WWOX: variants seen among roughly 807,000 people sequenced by gnomAD.
WWOX encodes the protein WW domain containing oxidoreductase.
A neutral mutation model predicts 46.2 loss-of-function variants in WWOX; 69 were observed. The ratio of observed to expected loss-of-function variants is 1.49; its 90% CI spans 1.23 to 1.82. The LOEUF (loss-of-function observed/expected upper bound fraction) is 1.82, where lower values mean the gene tolerates loss of function less well. Ranked by LOEUF, WWOX falls within the 40% of genes most tolerant of loss-of-function variation. WWOX has a pLI of 0.00. For synonymous variants in WWOX, 359 were observed against 202.6 expected, an observed-to-expected ratio of 1.77 and a Z score of -6.56; for missense variants, 919 against 542.6, an observed-to-expected ratio of 1.69 and a Z score of -6.89.
chr16:78,832,010 C>T (rs901478188), intron 8 of WWOX, among the ~76,000 whole-genome samples: 32 of 152,198 alleles, frequency 2.1e-4, no homozygotes, highest in South Asian at 2.1e-4. Context: ...GTATCTGCAA[C>T]AGTTATCCAT....
At chr16:78,560,500 C>T (rs376504174) in intron 8 of WWOX, among the ~76,000 whole-genome samples, 14 of 151,988 alleles carry the variant, frequency 9.2e-5, no homozygotes, top group African/African-American at 2.2e-4. Context: ...AAAAATTAGC[C>T]GGGTGTGGCG....
chr16:78,353,233 T>C (rs573493367), intron 5 of WWOX, among the ~76,000 whole-genome samples: 1 of 152,292 alleles, frequency 6.6e-6, no homozygotes, highest in African/African-American at 2.4e-5. Flanking sequence ...ATTGTTTATG[T>C]AGGGGCCCGT....
intron 7 of WWOX, among the ~76,000 whole-genome samples, chr16:78,430,022 A>C (rs1442429246): frequency 6.6e-6 from 1 of 152,190 alleles, no homozygotes; most frequent in Non-Finnish European, 1.5e-5. Flanking sequence ...GCTGCTAAGA[A>C]AGACATACCC....
chr16:79,069,437 T>C (rs1026341811), intron 8 of WWOX, among the ~76,000 whole-genome samples: 2 of 152,166 alleles, frequency 1.3e-5, no homozygotes, highest in African/African-American at 4.8e-5. Flanking sequence ...GACCTTTACA[T>C]CTCTGTCTTG....
intron 6 of WWOX, among the ~76,000 whole-genome samples, chr16:78,403,698 G>A (rs901732547): frequency 6.6e-6 from 1 of 152,176 alleles, no homozygotes; most frequent in Non-Finnish European, 1.5e-5. Flanking sequence ...CTTCGCATGG[G>A]GGCTCCCCAG....
At chr16:79,207,061 C>G (rs1029847067) in intron 8 of WWOX, among the ~76,000 whole-genome samples, 3 of 152,142 alleles carry the variant, frequency 2.0e-5, no homozygotes, top group Non-Finnish European at 2.9e-5. Context: ...GTGGTTATAG[C>G]CTCTCCTGGG....
chr16:79,037,239 C>T (rs2047885371), intron 8 of WWOX, among the ~76,000 whole-genome samples: 2 of 152,322 alleles, frequency 1.3e-5, no homozygotes, highest in South Asian at 4.1e-4. Flanking sequence ...CGTTCTCTCT[C>T]TCTCGCTCCT....
At chr16:78,123,435 GTTTTGTTTTTTTT>G (rs1233168728) in intron 4 of WWOX, 44 of 48,682 alleles carry the variant, frequency 9.0e-4, no homozygotes, top group African/African-American at 3.3e-3. Context: ...TTTGTTTTTT[GTTTTGTTTTTTTT>G]TTTTTTGTTT....
intron 6 of WWOX, among the ~76,000 whole-genome samples, chr16:78,421,605 G>C (rs1012304439): frequency 1.3e-5 from 2 of 152,178 alleles, no homozygotes; most frequent in Non-Finnish European, 2.9e-5. Context: ...TCAACTCACA[G>C]ATTCCTACCA....
chr16:78,955,991 C>T (rs1442303303), intron 8 of WWOX, among the ~76,000 whole-genome samples: 3 of 147,876 alleles, frequency 2.0e-5, no homozygotes, highest in Non-Finnish European at 4.5e-5. Flanking sequence ...AAACAAAAAA[C>T]AAAAAAAAAC....
chr16:78,913,008 T>C lies in WWOX; in HGVS notation c.1057-298600T>C, dbSNP rs111324197. On this transcript the variant is annotated intron_variant, in intron 8 of 8. Transcript: ENST00000566780. ...CCAGAAGGATGATTAGCCTTCCATC[T>C]CTCGAGTTGTCTCAGAGCACAACAG... 6.8e-3 allele frequency among the ~76,000 whole-genome samples: 1,037 copies of C among 152,100 alleles called. 11 individuals are homozygous for C. The highest frequency in any genetic ancestry group is 0.023 in the African/African-American group (975 of 41,556).
intron 8 of WWOX, chr16:78,826,032 G>C (rs182942743): frequency 2.0e-6 from 1 of 496,752 alleles, no homozygotes; most frequent in Non-Finnish European, 3.6e-6. Flanking sequence ...AGTTGTATTC[G>C]GAGTCTGGAT....
intron 8 of WWOX, among the ~76,000 whole-genome samples, chr16:79,159,990 GC>G (rs1181393144): frequency 2.0e-5 from 3 of 152,168 alleles, no homozygotes; most frequent in Non-Finnish European, 4.4e-5. Context: ...GGGATTTGGG[GC>G]TGACTTTGAC....
chr16:78,751,483 A>ATATG (rs961885044), intron 8 of WWOX, among the ~76,000 whole-genome samples: 2 of 145,932 alleles, frequency 1.4e-5, no homozygotes, highest in African/African-American at 5.0e-5. Flanking sequence ...ATATATATAT[A>ATATG]TATATGCATA....
chr16:78,101,261 A>G (rs2031760281), intron 1 of WWOX, among the ~76,000 whole-genome samples: 1 of 144,734 alleles, frequency 6.9e-6, no homozygotes, highest in South Asian at 2.4e-4. Flanking sequence ...GTTAGCCAGG[A>G]TGGTCTCGAT....
intron 8 of WWOX, among the ~76,000 whole-genome samples, chr16:78,826,852 C>T (rs77577740): frequency 2.0e-5 from 3 of 152,310 alleles, no homozygotes; most frequent in East Asian, 1.9e-4. Flanking sequence ...TCTGGATTTA[C>T]TTAGCTGTCC....
chr16:78,129,469 A>C (rs774900410), intron 4 of WWOX, among the ~76,000 whole-genome samples: 76 of 152,206 alleles, frequency 5.0e-4, no homozygotes, highest in Non-Finnish European at 8.1e-4. Context: ...TGGTTCAGTA[A>C]AAATACAGTG....
chr16:79,048,403 G>T (rs1451425826), intron 8 of WWOX, among the ~76,000 whole-genome samples: 1 of 152,008 alleles, frequency 6.6e-6, no homozygotes, highest in African/African-American at 2.4e-5. Context: ...GCTTGGTTCA[G>T]CAGCAACTGA....
In WWOX at chr16:79,071,436, C is replaced by G. The variant is rs72795661; in HGVS notation, c.1057-140172C>G. Reference sequence around the variant, plus strand: ...TCTTCCCCCCTCATCTCTTAGAGCCCTGTTACCCAAGAGAGTTCACCAATT... The same window carrying G: ...TCTTCCCCCCTCATCTCTTAGAGCCGTGTTACCCAAGAGAGTTCACCAATT... On this transcript the variant is annotated intron_variant, in intron 8 of 8. Coordinates refer to ENST00000566780, the MANE Select transcript of WWOX (RefSeq NM_016373.4). Among the ~76,000 whole-genome samples, 587 of 152,310 alleles carry G rather than the reference C, an allele frequency of 3.9e-3. 3 individuals are homozygous for G. The highest frequency in any genetic ancestry group is 6.8e-3 in the Middle Eastern group (2 of 294).
Sources: gnomAD v4.1 joint callset for allele counts (sites outside exome capture counted in the v4.1 genomes callset) on GRCh38, gnomAD v4.1.1 for gene constraint, MANE v1.5 for transcripts, NCBI Gene and HGNC (gene_info 2026-07-23, HGNC 2026-07-21) for gene names.